Variants in PRKCZ observed in about 807,000 individuals in gnomAD.
PRKCZ encodes protein kinase C zeta type.
A neutral mutation model predicts 79.5 loss-of-function variants in PRKCZ; 33 were observed. The ratio of observed to expected loss-of-function variants is 0.41; its 90% confidence interval spans 0.31 to 0.55. PRKCZ has a LOEUF of 0.55. Ranked by LOEUF, PRKCZ falls within the 20% of genes least tolerant of loss-of-function variation. The probability of loss-of-function intolerance (pLI) is 0.19; values close to 1 mark genes in which losing one functional copy is unlikely to be tolerated. For missense variants in PRKCZ, 578 were observed against 813.5 expected, an observed-to-expected ratio of 0.71 and a Z score of 3.52; for synonymous variants, 342 against 320.9, an observed-to-expected ratio of 1.07 and a Z score of -0.70.
upstream of PRKCZ, among the ~76,000 whole-genome samples, chr1:2,048,642 C>A (rs1005249088): frequency 6.6e-6 from 1 of 152,170 alleles, no homozygotes; most frequent in African/African-American, 2.4e-5. Flanking sequence ...AAGACGTCAG[C>A]TGAGAGGCTC....
At chr1:2,184,203 AG>A (rs1687177879) in intron 16 of PRKCZ, 3 of 211,450 alleles carry the variant, frequency 1.4e-5, no homozygotes, top group African/African-American at 7.0e-5. Context: ...TGCTGTGGCC[AG>A]GTCCTACACC....
chr1:2,153,575 G>A (rs999877454), intron 9 of PRKCZ, among the ~76,000 whole-genome samples: 6 of 152,214 alleles, frequency 3.9e-5, no homozygotes, highest in African/African-American at 1.4e-4. Flanking sequence ...CATGCCCTGC[G>A]CCGAGGAACA....
rs569972306 is a variant in PRKCZ, at chr1:2,172,897, G to A, written c.1285+509G>A. On this transcript the variant is annotated intron_variant, in intron 13 of 17. Coordinates refer to ENST00000378567, the MANE Select transcript of PRKCZ (RefSeq NM_002744.6). This position sits in a 1 kb window ranked among gnomAD's most constrained non-coding sequence, Gnocchi z 7.8. ...GTGTGTGCGTGTGTGAAACGGGGAC[G>A]TGGGCACGCGTGTGCAGCCGTGTGT... 5.3e-5 allele frequency among the ~76,000 whole-genome samples: 8 copies of A among 152,072 alleles called. No individual in the cohort carries two copies. The highest frequency in any genetic ancestry group is 3.4e-3 in the Middle Eastern group (1 of 294).
In PRKCZ at chr1:2,150,782, C is replaced by G. The variant is rs1299377105; in HGVS notation, c.688-8C>G. 1.2e-6 allele frequency: 2 copies of G among 1,608,618 alleles called. No homozygotes were observed. The highest frequency in any genetic ancestry group is 2.2e-5 in the South Asian group (2 of 90,720). On this transcript the variant is annotated splice_polypyrimidine_tract_variant and splice_region_variant and intron_variant, in intron 8 of 17. Transcript: ENST00000378567. ...CTCACTTTCTGGGGTCTTGTTCTCCCTCCCTAGGACCTTAAGCCAGTTATC... is the reference window on the plus strand; with the variant it reads ...CTCACTTTCTGGGGTCTTGTTCTCCGTCCCTAGGACCTTAAGCCAGTTATC...
rs752751735 is a variant in PRKCZ at position 2,056,595 on chromosome 1, G to A, written c.283+22G>A. ...CATGGTTAGTGGCGGGGTCTGTGGT[G>A]GGCAGCTCTGGGGGGCTGTTCCTGG... On this transcript the variant is annotated intron_variant, in intron 3 of 17. Coordinates refer to ENST00000378567, the MANE Select transcript of PRKCZ (RefSeq NM_002744.6). 3 of 1,602,724 alleles carry A rather than the reference G, an allele frequency of 1.9e-6. No individual in the cohort carries two copies. The East Asian group carries it at 6.7e-5, about 36-fold the overall frequency.
chr1:2,071,970 G>A (rs1571161144), intron 4 of PRKCZ, among the ~76,000 whole-genome samples: 2 of 152,162 alleles, frequency 1.3e-5, no homozygotes, highest in South Asian at 4.1e-4. Flanking sequence ...AGACTCTTCC[G>A]GTGTTTCAAA....
intron 7 of PRKCZ, among the ~76,000 whole-genome samples, chr1:2,146,929 A>G: frequency 6.6e-6 from 1 of 151,744 alleles, no homozygotes; most frequent in East Asian, 1.9e-4. Context: ...CATCCAGCCA[A>G]CCAGCCATCC....
chr1:2,086,669 G>C (rs72921255), intron 4 of PRKCZ, among the ~76,000 whole-genome samples: 1 of 152,242 alleles, frequency 6.6e-6, no homozygotes, highest in African/African-American at 2.4e-5. Flanking sequence ...CCTGGGGGCC[G>C]TGAGGCTGTG....
chr1:2,069,860 G>C (rs948086865), intron 4 of PRKCZ, among the ~76,000 whole-genome samples: 13 of 152,200 alleles, frequency 8.5e-5, no homozygotes, highest in Non-Finnish European at 5.9e-5. Flanking sequence ...GCTCCTAAGT[G>C]GGTAGCCTCA....
intron 4 of PRKCZ, among the ~76,000 whole-genome samples, chr1:2,093,425 G>A (rs377012913): frequency 2.0e-5 from 3 of 152,246 alleles, no homozygotes; most frequent in South Asian, 2.1e-4. Flanking sequence ...ACCCTGCTTC[G>A]TGCGGGGACT....
chr1:2,080,789 C>T (rs1663351086), intron 4 of PRKCZ, among the ~76,000 whole-genome samples: 1 of 152,174 alleles, frequency 6.6e-6, no homozygotes, highest in African/African-American at 2.4e-5. Flanking sequence ...CGTCACGTCT[C>T]CTTAGGTCCC....
At chr1:2,072,784 G>A (rs139669139) in intron 4 of PRKCZ, among the ~76,000 whole-genome samples, 2 of 152,222 alleles carry the variant, frequency 1.3e-5, no homozygotes. Flanking sequence ...GGCACAGCAC[G>A]TATGAATGCA....
chr1:2,169,236 C>T (rs1436499059), intron 10 of PRKCZ: 21 of 500,078 alleles, frequency 4.2e-5, no homozygotes, highest in South Asian at 1.1e-4. Flanking sequence ...TCCTTCATTC[C>T]GGGGCCCACC....
chr1:2,093,928 GC>G lies in PRKCZ; in HGVS notation c.334+34338del, dbSNP rs201844458. 2.4e-3 allele frequency among the ~76,000 whole-genome samples: 368 copies of G among 152,272 alleles called. 4 individuals are homozygous for G. The East Asian group carries it at 0.028, about 12-fold the overall frequency. On this transcript the variant is annotated intron_variant, in intron 4 of 17. Transcript: ENST00000378567. Reference sequence around the variant, plus strand: ...TGCAGCCCTTGGCCGGGCACTAAGGGCTGAGTGTGGGGCCAGGGCAGAGGGA... The same window carrying G: ...TGCAGCCCTTGGCCGGGCACTAAGGGTGAGTGTGGGGCCAGGGCAGAGGGA...
rs1438583401 is a variant in PRKCZ at position 2,050,453 on chromosome 1, G to GCGCGCCCCC, written c.-174_-166dup. 3 of 218,146 alleles carry GCGCGCCCCC rather than the reference G, an allele frequency of 1.4e-5. No homozygotes were observed. The highest frequency in any genetic ancestry group is 2.3e-5 in the African/African-American group (1 of 42,646). The allele number at this position is 218,146 out of a possible 1,614,324, so 13.5% of individuals were successfully genotyped here. On this transcript the variant is annotated 5_prime_UTR_variant, in exon 1 of 18. Coordinates refer to ENST00000378567, the MANE Select transcript of PRKCZ (RefSeq NM_002744.6). ...CGCCCCCGCCGGACGGTCCCGCCCC[G>GCGCGCCCCC]CGCGCCCCCCGCTCCCGCCCCGCGC...
intron 7 of PRKCZ, among the ~76,000 whole-genome samples, chr1:2,147,704 T>C (rs1047292162): frequency 7.2e-6 from 1 of 139,814 alleles, no homozygotes; most frequent in African/African-American, 2.9e-5. Flanking sequence ...CACTGACCTG[T>C]CCACCCATCT....
intron 16 of PRKCZ, among the ~76,000 whole-genome samples, chr1:2,175,596 T>A (rs545885269): frequency 1.4e-5 from 2 of 137,972 alleles, no homozygotes; most frequent in East Asian, 4.8e-4. Flanking sequence ...TATAATCTGG[T>A]GGACAGAGCC....
intron 4 of PRKCZ, among the ~76,000 whole-genome samples, chr1:2,124,960 G>A (rs1004315506): frequency 1.3e-5 from 2 of 152,158 alleles, no homozygotes; most frequent in Admixed American, 6.5e-5. Context: ...CATCCTCAGC[G>A]CTGTGTCCCC....
intron 4 of PRKCZ, among the ~76,000 whole-genome samples, chr1:2,115,828 C>T (rs1023607476): frequency 3.3e-5 from 5 of 152,194 alleles, no homozygotes; most frequent in African/African-American, 7.2e-5. Context: ...AGGCACGCCA[C>T]CCTCCAGCAC....
Sources: gnomAD v4.1 joint callset for allele counts (sites outside exome capture counted in the v4.1 genomes callset) on GRCh38, gnomAD v4.1.1 for gene constraint, Gnocchi (gnomAD v3.1) non-coding constraint, MANE v1.5 for transcripts, NCBI Gene and HGNC (gene_info 2026-07-23, HGNC 2026-07-21) for gene names.